ADCY2: variants seen among roughly 807,000 people sequenced by gnomAD.
ADCY2 encodes adenylate cyclase type 2.
ADCY2 carries 31 observed loss-of-function variants against 125.2 expected under a neutral mutation model. The ratio of observed to expected loss-of-function variants is 0.25; its 90% confidence interval spans 0.19 to 0.33. The LOEUF (loss-of-function observed/expected upper bound fraction) is 0.33, where lower values mean the gene tolerates loss of function less well. Ranked by LOEUF, ADCY2 falls within the 10% of genes least tolerant of loss-of-function variation. The probability of loss-of-function intolerance (pLI) is 1.00; values close to 1 mark genes in which losing one functional copy is unlikely to be tolerated. For missense variants in ADCY2, 904 were observed against 1,418.2 expected, an observed-to-expected ratio of 0.64 and a Z score of 5.82; for synonymous variants, 512 against 548.4, an observed-to-expected ratio of 0.93 and a Z score of 0.93.
chr5:7,826,769 C>A lies in ADCY2; in HGVS notation c.3174C>A (p.Thr1058=). ...LVLQTLGYTC[T]CRGIINVKGK... ...TGCAGACCCTCGGATACACGTGCAC[C>A]TGTCGAGGAATAATCAACGTGAAAG... Residue 1058 remains threonine (T), a synonymous_variant, in exon 25 of 25, where the codon ACC becomes ACA. Coordinates refer to ENST00000338316, the MANE Select transcript of ADCY2 (RefSeq NM_020546.3). 1.2e-6 allele frequency: 2 copies of A among 1,614,144 alleles called. No individual in the cohort carries two copies. Among genetic ancestry groups the A allele is most frequent in the Non-Finnish European group, 1.7e-6 (2 of 1,180,024 alleles).
intron 4 of ADCY2, among the ~76,000 whole-genome samples, chr5:7,651,540 G>C (rs1739089599): frequency 6.6e-6 from 1 of 152,196 alleles, no homozygotes; most frequent in South Asian, 2.1e-4. Context: ...GACTAAGCCA[G>C]TCTAGTCTTT....
intron 4 of ADCY2, among the ~76,000 whole-genome samples, chr5:7,687,117 TC>T (rs1016371256): frequency 6.6e-6 from 1 of 152,194 alleles, no homozygotes; most frequent in African/African-American, 2.4e-5. Context: ...CTTTAGCAGT[TC>T]CAACAAAAGA....
Position 7,781,952 on chromosome 5 carries a change from T to A in ADCY2, c.2385-2413T>A, listed in dbSNP as rs909840110. 1.9e-4 allele frequency among the ~76,000 whole-genome samples: 29 copies of A among 152,156 alleles called. 1 individual carries two copies. Among genetic ancestry groups the A allele is most frequent in the African/African-American group, 6.8e-4 (28 of 41,432 alleles). On this transcript the variant is annotated intron_variant, in intron 18 of 24. Transcript: ENST00000338316. ...AGTGGCCCACACAAGAGAGAAGTCC[T>A]TCAGTAGGAGTTGGCAGTTCTCTTT...
chr5:7,447,935 C>T (rs992706767), intron 2 of ADCY2, among the ~76,000 whole-genome samples: 2 of 152,184 alleles, frequency 1.3e-5, no homozygotes, highest in African/African-American at 4.8e-5. Flanking sequence ...GGACCTGGGG[C>T]TTCCTACCGA....
chr5:7,593,236 T>C (rs1481806571), intron 3 of ADCY2, among the ~76,000 whole-genome samples: 1 of 152,142 alleles, frequency 6.6e-6, no homozygotes, highest in East Asian at 1.9e-4. Context: ...AAAATCCTAC[T>C]TTAATTATAT....
chr5:7,499,846 A>G (rs1305457241), intron 2 of ADCY2, among the ~76,000 whole-genome samples: 1 of 151,810 alleles, frequency 6.6e-6, no homozygotes, highest in Non-Finnish European at 1.5e-5. Context: ...TATACACAGT[A>G]AAATTAAGAT....
At chr5:7,635,567 G>C (rs1221831936) in intron 4 of ADCY2, among the ~76,000 whole-genome samples, 3 of 152,072 alleles carry the variant, frequency 2.0e-5, no homozygotes. Flanking sequence ...CCAGATTTGA[G>C]TTTTTAACAG....
At chr5:7,585,236 G>T (rs1265162061) in intron 3 of ADCY2, among the ~76,000 whole-genome samples, 1 of 151,892 alleles carries the variant, frequency 6.6e-6, no homozygotes, top group African/African-American at 2.4e-5. Context: ...TCTATGATTT[G>T]GTCAATATAC....
chr5:7,714,357 T>C (rs1741532278), intron 11 of ADCY2, among the ~76,000 whole-genome samples: 1 of 152,228 alleles, frequency 6.6e-6, no homozygotes, highest in South Asian at 2.1e-4. Flanking sequence ...GAAGTTACGA[T>C]GGGTAATGTG....
intron 1 of ADCY2, among the ~76,000 whole-genome samples, chr5:7,414,350 C>T (rs1739851387): frequency 6.6e-6 from 1 of 152,046 alleles, no homozygotes; most frequent in Non-Finnish European, 1.5e-5. Context: ...TATTGTTTGT[C>T]CTATTTTAAA....
intron 2 of ADCY2, among the ~76,000 whole-genome samples, chr5:7,502,531 G>T (rs575645217): frequency 6.6e-6 from 1 of 152,340 alleles, no homozygotes; most frequent in Non-Finnish European, 1.5e-5. Context: ...GTGCTTCCGG[G>T]CTGATCTCTT....
intron 2 of ADCY2, among the ~76,000 whole-genome samples, chr5:7,444,438 C>CT (rs534338731): frequency 2.6e-5 from 4 of 151,872 alleles, no homozygotes; most frequent in South Asian, 4.2e-4. Flanking sequence ...TTAGTTACTC[C>CT]TTTTTTTTCC....
chr5:7,712,930 G>A (rs1741485373), intron 11 of ADCY2, 31 bp downstream of exon 11: 1 of 1,502,008 alleles, frequency 6.7e-7, no homozygotes, highest in Non-Finnish European at 9.2e-7. Flanking sequence ...ATTTTTTAAA[G>A]CTTATTGCTC....
At chr5:7,771,586 C>T (rs1237111860) in intron 17 of ADCY2, among the ~76,000 whole-genome samples, 1 of 152,164 alleles carries the variant, frequency 6.6e-6, no homozygotes, top group Non-Finnish European at 1.5e-5. Context: ...AGTGCCTCCA[C>T]TCAAGCATGC....
intron 14 of ADCY2, among the ~76,000 whole-genome samples, chr5:7,732,689 T>C (rs1742140612): frequency 1.4e-5 from 2 of 142,784 alleles, no homozygotes; most frequent in South Asian, 4.9e-4. Context: ...TGTTTAGCTT[T>C]CTTTCTGGTA....
chr5:7,543,406 G>T (rs1735054830), intron 3 of ADCY2, among the ~76,000 whole-genome samples: 1 of 151,646 alleles, frequency 6.6e-6, no homozygotes, highest in Non-Finnish European at 1.5e-5. Flanking sequence ...TTGTTTCTTT[G>T]AAAAAATAAA....
At chr5:7,423,922 TC>T (rs1740298668) in intron 2 of ADCY2, among the ~76,000 whole-genome samples, 1 of 152,196 alleles carries the variant, frequency 6.6e-6, no homozygotes, top group African/African-American at 2.4e-5. Flanking sequence ...ACTTTGTGAT[TC>T]TCCTCCCACC....
At chr5:7,824,382 G>A (rs1375300654) in intron 24 of ADCY2, among the ~76,000 whole-genome samples, 2 of 152,052 alleles carry the variant, frequency 1.3e-5, no homozygotes, top group Non-Finnish European at 2.9e-5. Context: ...CGGGTGGTTC[G>A]GCATTATGAA....
intron 24 of ADCY2, among the ~76,000 whole-genome samples, chr5:7,823,410 T>C (rs1268216432): frequency 6.6e-6 from 1 of 152,190 alleles, no homozygotes; most frequent in Non-Finnish European, 1.5e-5. Context: ...GGAGCTGTGG[T>C]CATCATCTGT....
Sources: allele counts gnomAD v4.1 joint callset (sites outside exome capture counted in the v4.1 genomes callset), GRCh38; gene constraint gnomAD v4.1.1; transcripts MANE v1.5; gene names NCBI Gene and HGNC (gene_info 2026-07-23, HGNC 2026-07-21).